Variants in USH2A observed in about 807,000 individuals in gnomAD.
USH2A encodes usherin, also known as Usher syndrome 2A (autosomal recessive, mild).
Under a neutral mutation model 538.9 loss-of-function variants are expected in USH2A, and 443 were observed. The ratio of observed to expected loss-of-function variants is 0.82; its 90% confidence interval spans 0.76 to 0.89. The LOEUF (loss-of-function observed/expected upper bound fraction) is 0.89, where lower values mean the gene tolerates loss of function less well. USH2A is among the 40% of genes least tolerant of loss of function. The pLI is 0.00. For missense variants in USH2A, 6,633 were observed against 6,324.8 expected (o/e 1.05, Z -1.65); for synonymous variants, 2,413 against 2,273.5 (o/e 1.06, Z -1.75).
intron 38 of USH2A, among the ~76,000 whole-genome samples, chr1:215,922,159 A>T (rs947100202): frequency 6.6e-6 from 1 of 152,134 alleles, no homozygotes; most frequent in African/African-American, 2.4e-5. Context: ...AATTCCCCAG[A>T]GGGGAAAGAC....
intron 43 of USH2A, among the ~76,000 whole-genome samples, chr1:215,869,106 T>C (rs1463919848): frequency 6.6e-6 from 1 of 152,204 alleles, no homozygotes; most frequent in Admixed American, 6.5e-5. Flanking sequence ...TCTACAGATG[T>C]TAACCCATTC....
chr1:216,230,917 C>G (rs996433159), intron 14 of USH2A, among the ~76,000 whole-genome samples: 2 of 151,480 alleles, frequency 1.3e-5, no homozygotes, highest in Non-Finnish European at 2.9e-5. Context: ...CACACACACA[C>G]AGACACAGAA....
At chr1:215,897,596 G>A (rs1665381868) in intron 40 of USH2A, among the ~76,000 whole-genome samples, 1 of 152,050 alleles carries the variant, frequency 6.6e-6, no homozygotes, top group African/African-American at 2.4e-5. Context: ...GGCTAAGGCA[G>A]AAGAATTGCT....
intron 14 of USH2A, among the ~76,000 whole-genome samples, chr1:216,223,543 A>G (rs1301236747): frequency 1.3e-5 from 2 of 152,136 alleles, no homozygotes; most frequent in East Asian, 3.9e-4. Flanking sequence ...ATAAGGTAAA[A>G]GTAACATCCT....
chr1:215,640,881 A>G (rs1320162291), intron 67 of USH2A, 147 bp from the exon 68 acceptor site: 1 of 924,768 alleles, frequency 1.1e-6, no homozygotes, highest in Non-Finnish European at 1.6e-6. Context: ...ACATTGCTAG[A>G]ATCCTTCACT....
intron 55 of USH2A, among the ~76,000 whole-genome samples, chr1:215,768,284 C>G (rs1340287662): frequency 6.6e-6 from 1 of 152,168 alleles, no homozygotes; most frequent in Non-Finnish European, 1.5e-5. Flanking sequence ...TCTGAAAGAA[C>G]AACAACTTTG....
chr1:216,164,372 A>G (rs1444776503), intron 21 of USH2A, among the ~76,000 whole-genome samples: 1 of 152,132 alleles, frequency 6.6e-6, no homozygotes, highest in Non-Finnish European at 1.5e-5. Flanking sequence ...GGATTAAGGA[A>G]AGTTCTCTGA....
At chr1:215,729,724 G>A (rs1310877844) in intron 60 of USH2A, among the ~76,000 whole-genome samples, 2 of 152,144 alleles carry the variant, frequency 1.3e-5, no homozygotes, top group African/African-American at 4.8e-5. Flanking sequence ...TCAAACTCCT[G>A]GACTCAAGAA....
chr1:215,677,908 T>C (rs1393174861), intron 62 of USH2A, among the ~76,000 whole-genome samples: 1 of 152,204 alleles, frequency 6.6e-6, no homozygotes, highest in East Asian at 1.9e-4. Context: ...TACCTCACAC[T>C]ATCTACTTGC....
intron 9 of USH2A, among the ~76,000 whole-genome samples, chr1:216,309,443 A>G (rs529063771): frequency 6.6e-6 from 1 of 152,246 alleles, no homozygotes; most frequent in African/African-American, 2.4e-5. Flanking sequence ...CATAATTCTA[A>G]TATGTTCAGC....
rs1163061829 is a variant in USH2A, at chr1:215,674,817, C to T, written c.13094G>A (p.Trp4365Ter). The change falls in exon 63 of 72, where the codon TGG becomes TAG. Residue 4365 changes from tryptophan (W) to a stop codon, truncating the protein, a stop_gained. Transcript: ENST00000307340. LOFTEE classifies it high-confidence loss of function. ...ATTCATTTGAGTGGCACTGACGGCCCAAAGATCTGGAGGGCTGACTTCTGA... is the reference window on the plus strand; with the variant it reads ...ATTCATTTGAGTGGCACTGACGGCCTAAAGATCTGGAGGGCTGACTTCTGA... ...APSEVSPPDL[W>*]AVSATQMNVC... The T allele has an allele frequency of 3.1e-6, 5 of 1,614,050 alleles. No individual in the cohort carries two copies. The South Asian group carries it at 5.5e-5, about 18-fold the overall frequency.
At chr1:215,827,081 A>C (rs1177187254) in intron 47 of USH2A, among the ~76,000 whole-genome samples, 1 of 152,172 alleles carries the variant, frequency 6.6e-6, no homozygotes, top group Non-Finnish European at 1.5e-5. Flanking sequence ...ACATAAAATC[A>C]ATAGGCAAGT....
At position 216,083,551 on chromosome 1, in the gene USH2A, C is replaced by T; in HGVS notation, c.5203G>A (p.Gly1735Arg). ...TTAAAGGAAATCTCAAAGTTCATTC[C>T]ACCATGAAACATATATGGATGAAGT... is the stretch of plus-strand genomic sequence containing the variant. ...LELHPYMFHGGMNFEISFKFR... is the reference protein window; with the variant it reads ...LELHPYMFHGRMNFEISFKFR... Residue 1735 changes from glycine to arginine, a missense_variant, in exon 26 of 72, where the codon GGA (glycine) becomes AGA (arginine). Coordinates refer to ENST00000307340, the MANE Select transcript of USH2A (RefSeq NM_206933.4). 1 of 1,612,198 alleles carries T rather than the reference C, an allele frequency of 6.2e-7. No homozygotes were observed. The highest frequency in any genetic ancestry group is 8.5e-7 in the Non-Finnish European group (1 of 1,179,048).
chr1:216,236,616 T>G (rs2035822756), intron 13 of USH2A, among the ~76,000 whole-genome samples: 1 of 152,210 alleles, frequency 6.6e-6, no homozygotes, highest in Middle Eastern at 3.4e-3. Flanking sequence ...CCTTTAACAC[T>G]GAAAAGGAAA....
At chr1:216,080,589 A>G (rs1312459967) in intron 26 of USH2A, among the ~76,000 whole-genome samples, 2 of 152,008 alleles carry the variant, frequency 1.3e-5, no homozygotes, top group Admixed American at 6.6e-5. Context: ...CCATGAAGGT[A>G]AGGAAAAGTA....
chr1:216,070,189 G>A lies in USH2A; in HGVS notation c.5961C>T (p.Tyr1987=), dbSNP rs773927620. ...TGTCCTCACTATAGGCTTTCAGAAT[G>A]TACTTCTCAATTACACCTCTGACAA... The part of the protein sequence containing the change: ...EPVVRGVIEK[Y]ILKAYSEDST... The change falls in exon 30 of 72, where the codon TAC becomes TAT. Residue 1987 remains tyrosine (Y), a synonymous_variant. Coordinates refer to ENST00000307340, the MANE Select transcript of USH2A (RefSeq NM_206933.4). 6.2e-7 allele frequency: 1 copy of A among 1,613,986 alleles called. No homozygotes were observed. Among genetic ancestry groups the A allele is most frequent in the South Asian group, 1.1e-5 (1 of 91,086 alleles).
rs140380655 is a variant in USH2A at position 216,038,385 on chromosome 1, T to G, written c.6325+8046A>C. ...CTTTCTTACCACCTCAAACTAGATCTGGTTCAGGAATGTTATAACAAGTTA... is the reference window on the plus strand; with the variant it reads ...CTTTCTTACCACCTCAAACTAGATCGGGTTCAGGAATGTTATAACAAGTTA... On this transcript the variant is annotated intron_variant, in intron 32 of 71. Transcript: ENST00000307340. Among the ~76,000 whole-genome samples the G allele has an allele frequency of 2.5e-3, 376 of 152,190 alleles. 7 individuals carry two copies. The East Asian group carries it at 0.046, about 18-fold the overall frequency.
At chr1:215,905,986 A>T (rs966820684) in intron 38 of USH2A, among the ~76,000 whole-genome samples, 3 of 152,148 alleles carry the variant, frequency 2.0e-5, no homozygotes, top group Non-Finnish European at 4.4e-5. Context: ...CATATGAGCA[A>T]GGGTTTTAAA....
intron 21 of USH2A, among the ~76,000 whole-genome samples, chr1:216,129,919 T>C (rs2102601361): frequency 6.6e-6 from 1 of 152,142 alleles, no homozygotes; most frequent in Admixed American, 6.6e-5. Flanking sequence ...TTACAGCCAA[T>C]GCAGTTTTGA....
Sources: gnomAD v4.1 joint callset for allele counts (sites outside exome capture counted in the v4.1 genomes callset) on GRCh38, gnomAD v4.1.1 for gene constraint, MANE v1.5 for transcripts, NCBI Gene and HGNC (gene_info 2026-07-23, HGNC 2026-07-21) for gene names.